The following ABLIM1 variants were observed in gnomAD, a reference collection of about 807,000 sequenced individuals.
The protein encoded by ABLIM1 is actin binding LIM protein 1.
Under a neutral mutation model 107.0 loss-of-function variants are expected in ABLIM1, and 40 were observed. The observed-to-expected ratio is 0.37, with a 90% confidence interval of 0.29 to 0.49. The LOEUF (loss-of-function observed/expected upper bound fraction) is 0.49, where lower values mean the gene tolerates loss of function less well. ABLIM1 is among the 20% of genes least tolerant of loss of function. The probability of loss-of-function intolerance (pLI) is 0.97; values close to 1 mark genes in which losing one functional copy is unlikely to be tolerated. For missense variants in ABLIM1, 857 were observed against 1,008.5 expected (o/e 0.85, Z 2.04); for synonymous variants, 357 against 357.3 (o/e 1.00, Z 0.01).
chr10:114,583,468 CATAT>C (rs140129654), intron 2 of ABLIM1, among the ~76,000 whole-genome samples: 51 of 15,060 alleles, frequency 3.4e-3, no homozygotes, highest in Non-Finnish European at 4.9e-3. Flanking sequence ...CACACACACA[CATAT>C]ATATATATAT....
intron 1 of ABLIM1, among the ~76,000 whole-genome samples, chr10:114,603,426 G>A (rs1163973813): frequency 2.0e-5 from 3 of 152,100 alleles, no homozygotes; most frequent in Non-Finnish European, 4.4e-5. Flanking sequence ...CTCTGCAAGG[G>A]ACCCTGGGAA....
rs1170949639 is a variant in ABLIM1 at position 114,632,043 on chromosome 10, T to C, written c.244+25914A>G. On this transcript the variant is annotated intron_variant, in intron 1 of 22. Coordinates refer to ENST00000533213, the MANE Select transcript of ABLIM1 (RefSeq NM_002313.7). ...AGCCAGGAGAAGCCCCGGCATCCGC[T>C]TGTGAGGTCCGGGGCTGTGGTCTCG... 3 of 1,263,448 alleles carry C rather than the reference T, an allele frequency of 2.4e-6. No homozygotes were observed. The East Asian group carries it at 1.8e-4, about 74-fold the overall frequency. The allele number at this position is 1,263,448 out of a possible 1,614,324, so 78.3% of individuals were successfully genotyped here.
Position 114,473,900 on chromosome 10 carries a change from G to A in ABLIM1, c.1098C>T (p.Gly366=). The change falls in exon 9 of 23, where the codon GGC becomes GGT. Residue 366 remains glycine (G), a synonymous_variant. Coordinates refer to ENST00000533213, the MANE Select transcript of ABLIM1 (RefSeq NM_002313.7). Reference sequence around the variant, plus strand: ...TTACATAGATAGTATGACCTGGTGAGCCAGGAATACTGGAGCCTGGCCTAG... The same window carrying A: ...TTACATAGATAGTATGACCTGGTGAACCAGGAATACTGGAGCCTGGCCTAG... The part of the protein sequence containing the change: ...IYSRPGSSIP[G]SPGHTIYAKV... 1 of 1,613,260 alleles carries A rather than the reference G, an allele frequency of 6.2e-7. No individual in the cohort carries two copies. Among genetic ancestry groups the A allele is most frequent in the East Asian group, 2.2e-5 (1 of 44,882 alleles).
the ABLIM1 span, among the ~76,000 whole-genome samples, chr10:114,790,753 G>T: frequency 2.6e-5 from 4 of 152,148 alleles, no homozygotes; most frequent in Admixed American, 2.0e-4. Context: ...TAAAATTCAT[G>T]ATGTGTTGAG....
intron 6 of ABLIM1, among the ~76,000 whole-genome samples, chr10:114,494,604 C>A (rs1054982857): frequency 5.3e-5 from 8 of 152,126 alleles, no homozygotes; most frequent in African/African-American, 1.9e-4. Context: ...TAAAGAAGTA[C>A]TTACAATACT....
At chr10:114,772,071 C>T (rs2083030973), upstream of ABLIM1, among the ~76,000 whole-genome samples, 1 of 152,124 alleles carries the variant, frequency 6.6e-6, no homozygotes, top group South Asian at 2.1e-4. Flanking sequence ...TAACTTCAAG[C>T]TTAAAGGCAC....
chr10:114,658,007 G>A lies in ABLIM1; in HGVS notation c.194C>T (p.Pro65Leu), dbSNP rs747046474. 7.4e-6 allele frequency: 12 copies of A among 1,614,120 alleles called. No individual in the cohort carries two copies. Among genetic ancestry groups the A allele is most frequent in the Middle Eastern group, 1.6e-4 (1 of 6,062 alleles). The change falls in exon 1 of 23, where the codon CCC becomes CTC. Residue 65 changes from proline to leucine, a missense_variant. Pro to Leu is a moderately conservative substitution (Grantham distance 98). Transcript: ENST00000533213. ...ACGCCCACGTGGGCAGTAGTCCTTG[G>A]GACAGAGATACAGCAAATGAGTGAT... The part of the protein sequence containing the change: ...ATITHLLYLC[P>L]KDYCPRGRVC...
At chr10:114,595,555 G>C (rs533244078) in intron 2 of ABLIM1, among the ~76,000 whole-genome samples, 1 of 152,300 alleles carries the variant, frequency 6.6e-6, no homozygotes, top group East Asian at 1.9e-4. Context: ...GGCTGTAATG[G>C]ACAAGGATGA....
intron 11 of ABLIM1, among the ~76,000 whole-genome samples, chr10:114,467,840 T>C (rs2065513764): frequency 6.6e-6 from 1 of 152,136 alleles, no homozygotes; most frequent in African/African-American, 2.4e-5. Flanking sequence ...GCCATTTCAG[T>C]ATATTAGGGT....
At chr10:114,488,816 C>A (rs2058537807) in intron 7 of ABLIM1, among the ~76,000 whole-genome samples, 1 of 152,132 alleles carries the variant, frequency 6.6e-6, no homozygotes, top group African/African-American at 2.4e-5. Context: ...AGATACATAT[C>A]AAATATGTCA....
At chr10:114,717,431 G>C (rs1402079125) in intron 1 of ABLIM1, among the ~76,000 whole-genome samples, 1 of 152,110 alleles carries the variant, frequency 6.6e-6, no homozygotes, top group Admixed American at 6.5e-5. Flanking sequence ...TTTGGGGCTG[G>C]ATAATATCTT....
intron 6 of ABLIM1, among the ~76,000 whole-genome samples, chr10:114,502,525 T>G (rs930192122): frequency 2.0e-5 from 3 of 152,052 alleles, no homozygotes; most frequent in Non-Finnish European, 4.4e-5. Flanking sequence ...GAGACAGAGA[T>G]TCACTCTGTT....
At chr10:114,696,916 G>A (rs2081206121) in intron 1 of ABLIM1, among the ~76,000 whole-genome samples, 1 of 152,110 alleles carries the variant, frequency 6.6e-6, no homozygotes, top group South Asian at 2.1e-4. Context: ...TGGGAGTTAG[G>A]GCTGCAACAT....
chr10:114,751,034 C>T (rs147398692), intron 1 of ABLIM1, among the ~76,000 whole-genome samples: 69 of 152,268 alleles, frequency 4.5e-4, no homozygotes, highest in African/African-American at 1.6e-3. Context: ...AATATTCAGT[C>T]GCTGATGCTT....
intron 4 of ABLIM1, among the ~76,000 whole-genome samples, chr10:114,549,488 G>A (rs2067782161): frequency 1.3e-5 from 2 of 151,968 alleles, no homozygotes; most frequent in South Asian, 4.2e-4. Context: ...AGTTCCTCTG[G>A]CTTCCCTCTT....
At chr10:114,543,968 T>C (rs541374495) in intron 6 of ABLIM1, among the ~76,000 whole-genome samples, 12 of 152,302 alleles carry the variant, frequency 7.9e-5, no homozygotes, top group African/African-American at 2.9e-4. Flanking sequence ...CCTCTGTGCT[T>C]CATGGAAAGG....
chr10:114,651,467 C>T (rs879372461), intron 1 of ABLIM1, among the ~76,000 whole-genome samples: 23 of 152,132 alleles, frequency 1.5e-4, no homozygotes, highest in Non-Finnish European at 2.9e-4. Flanking sequence ...GAGACTGTGC[C>T]AGGCAGCAGA....
At chr10:114,739,747 G>A (rs2082250517) in intron 1 of ABLIM1, among the ~76,000 whole-genome samples, 1 of 151,976 alleles carries the variant, frequency 6.6e-6, no homozygotes, top group South Asian at 2.1e-4. Flanking sequence ...TGAATCCATT[G>A]GATATAGCAA....
chr10:114,687,388 C>T (rs2080966191), upstream of ABLIM1, among the ~76,000 whole-genome samples: 1 of 152,150 alleles, frequency 6.6e-6, no homozygotes, highest in Non-Finnish European at 1.5e-5. Flanking sequence ...TAAGAAGTTT[C>T]AAAGCCAAAA....
Sources: gnomAD v4.1 joint callset for allele counts (sites outside exome capture counted in the v4.1 genomes callset) on GRCh38, gnomAD v4.1.1 for gene constraint, MANE v1.5 for transcripts, NCBI Gene and HGNC (gene_info 2026-07-23, HGNC 2026-07-21) for gene names.